YWHAG: variants seen among roughly 807,000 people sequenced by gnomAD.
YWHAG encodes the protein tyrosine 3-monooxygenase/tryptophan 5-monooxygenase activation protein gamma, also known as 14-3-3 protein gamma.
A neutral mutation model predicts 23.3 loss-of-function variants in YWHAG; 1 was observed. The observed-to-expected ratio is 0.04, with a 90% CI of 0.02 to 0.20. YWHAG has a LOEUF of 0.20. Among genes scored for constraint, YWHAG ranks in the 10% least tolerant of loss-of-function variants. The pLI is 1.00. For synonymous variants in YWHAG, 160 were observed against 144.0 expected (o/e 1.11, Z -0.80); for missense variants, 151 against 338.6 (o/e 0.45, Z 4.35).
intron 1 of YWHAG, among the ~76,000 whole-genome samples, chr7:76,346,533 T>C (rs547285532): frequency 2.0e-5 from 3 of 152,364 alleles, no homozygotes; most frequent in East Asian, 3.9e-4. Context: ...GCCAAGTTAA[T>C]TTGCCTCCAC....
At chr7:76,358,105 C>T (rs1316905557) in intron 1 of YWHAG, among the ~76,000 whole-genome samples, 1 of 152,124 alleles carries the variant, frequency 6.6e-6, no homozygotes, top group Non-Finnish European at 1.5e-5. Context: ...AAAGAAGAGC[C>T]TTTTGTTAAG....
chr7:76,356,553 CAAATT>C (rs1803963649), intron 1 of YWHAG, among the ~76,000 whole-genome samples: 1 of 152,032 alleles, frequency 6.6e-6, no homozygotes, highest in Admixed American at 6.5e-5. Context: ...TAAAACCTGC[CAAATT>C]AATTATCTGC....
At chr7:76,345,123 G>A (rs1304861620) in intron 1 of YWHAG, among the ~76,000 whole-genome samples, 1 of 151,622 alleles carries the variant, frequency 6.6e-6, no homozygotes, top group Admixed American at 6.6e-5. Flanking sequence ...GCAATCCTAG[G>A]TTATTGCCTG....
At chr7:76,331,869 A>G (rs1390846986) in intron 1 of YWHAG, among the ~76,000 whole-genome samples, 3 of 152,100 alleles carry the variant, frequency 2.0e-5, no homozygotes, top group Non-Finnish European at 4.4e-5. Context: ...CTTAAATTAT[A>G]AACGGGGGGT....
intron 1 of YWHAG, among the ~76,000 whole-genome samples, chr7:76,347,601 C>CA (rs60730480): frequency 0.57 from 71,639 of 125,656 alleles, 20,144 homozygotes; most frequent in African/African-American, 0.81. Flanking sequence ...AACAAACAAA[C>CA]AAAAAAAACA....
In YWHAG at chr7:76,347,974, C is replaced by G. The variant is rs143294039; in HGVS notation, c.87+10748G>C. On this transcript the variant is annotated intron_variant, in intron 1 of 1. Transcript: ENST00000307630. The stretch of plus-strand genomic sequence containing the variant: ...CTGCAATCGTGGGATCGAATGTTTT[C>G]TAAAAGAAACCGGGTTACACTTGTA... Among the ~76,000 whole-genome samples the G allele has an allele frequency of 2.7e-3, 408 of 152,290 alleles. 2 individuals carry two copies. The highest frequency in any genetic ancestry group is 9.5e-3 in the African/African-American group (395 of 41,560).
At chr7:76,352,341 A>C (rs2115650664) in intron 1 of YWHAG, among the ~76,000 whole-genome samples, 2 of 152,108 alleles carry the variant, frequency 1.3e-5, no homozygotes, top group Middle Eastern at 6.8e-3. Context: ...TTCCCTGCCC[A>C]CGGCAGCTGC....
chr7:76,333,019 G>C (rs905033482), intron 1 of YWHAG, among the ~76,000 whole-genome samples: 1 of 152,024 alleles, frequency 6.6e-6, no homozygotes, highest in African/African-American at 2.4e-5. Flanking sequence ...CAATCCGCTG[G>C]AAGTGCAGTG....
chr7:76,342,982 C>CA (rs1803720398), intron 1 of YWHAG, among the ~76,000 whole-genome samples: 1 of 151,994 alleles, frequency 6.6e-6, no homozygotes. Flanking sequence ...ACTAAAAATA[C>CA]AAAAATTAGC....
chr7:76,352,329 AC>A (rs772831631), intron 1 of YWHAG, among the ~76,000 whole-genome samples: 7 of 151,942 alleles, frequency 4.6e-5, no homozygotes, highest in Admixed American at 4.6e-4. Flanking sequence ...GCCATTCCTC[AC>A]TTCCCTGCCC....
chr7:76,354,460 G>A (rs373942661), intron 1 of YWHAG, among the ~76,000 whole-genome samples: 111 of 151,914 alleles, frequency 7.3e-4, no homozygotes, highest in Non-Finnish European at 1.1e-3. Context: ...GCGGTGAGCC[G>A]AGATACCACA....
intron 1 of YWHAG, among the ~76,000 whole-genome samples, chr7:76,330,435 G>A (rs1464444488): frequency 6.6e-6 from 1 of 152,174 alleles, no homozygotes; most frequent in Non-Finnish European, 1.5e-5. Context: ...GATCAACGGT[G>A]TCTGAACCCT....
chr7:76,330,020 G>A lies in YWHAG; in HGVS notation c.301C>T (p.Leu101=), dbSNP rs1351412733. 6.2e-7 allele frequency: 1 copy of A among 1,614,160 alleles called. No individual in the cohort carries two copies. The change falls in exon 2 of 2, where the codon CTG becomes TTG. Residue 101 remains leucine, a synonymous_variant. Transcript: ENST00000307630. ...KELEAVCQDV[L]SLLDNYLIKN... is the part of the protein sequence containing the mutation. ...ATCAGGTAGTTATCCAGCAGGCTCAGCACATCCTGGCACACAGCCTCCAAC... is the reference window on the plus strand; with the variant it reads ...ATCAGGTAGTTATCCAGCAGGCTCAACACATCCTGGCACACAGCCTCCAAC...
chr7:76,335,591 T>C (rs1458213180), intron 1 of YWHAG, among the ~76,000 whole-genome samples: 1 of 152,248 alleles, frequency 6.6e-6, no homozygotes, highest in Non-Finnish European at 1.5e-5. Context: ...CTTAGATGAC[T>C]TTCTGACCTT....
chr7:76,337,488 G>A (rs552463426), intron 1 of YWHAG, among the ~76,000 whole-genome samples: 15 of 151,794 alleles, frequency 9.9e-5, no homozygotes, highest in South Asian at 4.2e-4. Context: ...GAAAGCTTGC[G>A]CCTGGCTTCC....
At position 76,327,670 on chromosome 7, in the gene YWHAG, CCCCCCCCCCCT is replaced by C. The variant is rs1803466432; in HGVS notation, c.*1896_*1906del. 3 of 20,818 alleles carry C rather than the reference CCCCCCCCCCCT, an allele frequency of 1.4e-4. No homozygotes were observed. The highest frequency in any genetic ancestry group is 3.5e-3 in the South Asian group (1 of 286). The allele number at this position is 20,818 out of a possible 1,614,324, so 1.3% of individuals were successfully genotyped here. A position where few individuals can be genotyped will look rare whatever the true frequency, so the allele number is the denominator to read the frequency against. On this transcript the variant is annotated 3_prime_UTR_variant, in exon 2 of 2. Transcript: ENST00000307630. The stretch of plus-strand genomic sequence containing the variant: ...TTAGGGAAAGCCCCACCTACCCTGC[CCCCCCCCCCCT>C]CCCCCCCCAAATCGTCTTCCTCCCA...
intron 1 of YWHAG, among the ~76,000 whole-genome samples, chr7:76,352,696 C>G (rs1270156374): frequency 6.6e-6 from 1 of 151,700 alleles, no homozygotes; most frequent in Non-Finnish European, 1.5e-5. Flanking sequence ...GTCACCCAGG[C>G]TGGAGTGCAG....
intron 1 of YWHAG, among the ~76,000 whole-genome samples, chr7:76,346,317 A>T (rs1803778975): frequency 6.6e-6 from 1 of 152,184 alleles, no homozygotes; most frequent in Non-Finnish European, 1.5e-5. Flanking sequence ...CACAGATGCT[A>T]CATTTTTTTC....
intron 1 of YWHAG, among the ~76,000 whole-genome samples, chr7:76,334,599 G>A (rs1803591096): frequency 6.6e-6 from 1 of 151,892 alleles, no homozygotes; most frequent in Non-Finnish European, 1.5e-5. Flanking sequence ...ATTTTTTGTA[G>A]GGACCAGGGT....
Sources: gnomAD v4.1 joint callset for allele counts (sites outside exome capture counted in the v4.1 genomes callset) on GRCh38, gnomAD v4.1.1 for gene constraint, MANE v1.5 for transcripts, NCBI Gene and HGNC (gene_info 2026-07-23, HGNC 2026-07-21) for gene names.